GRIK4: variants seen among roughly 807,000 people sequenced by gnomAD.
The protein encoded by GRIK4 is glutamate receptor ionotropic, kainate 4.
In GRIK4, 40 loss-of-function variants were observed where a neutral mutation model predicts 104.9. The observed-to-expected ratio is 0.38, with a 90% CI of 0.30 to 0.50. GRIK4 has a LOEUF of 0.50. Ranked by LOEUF, GRIK4 falls within the 20% of genes least tolerant of loss-of-function variation. The pLI is 0.93. For synonymous variants in GRIK4, 485 were observed against 524.9 expected (o/e 0.92, Z 1.04); for missense variants, 1,047 against 1,308.1 (o/e 0.80, Z 3.08).
At chr11:120,800,744 T>A (rs555444479) in intron 3 of GRIK4, among the ~76,000 whole-genome samples, 1 of 152,292 alleles carries the variant, frequency 6.6e-6, no homozygotes, top group Admixed American at 6.5e-5. Flanking sequence ...TGTGTCCTGA[T>A]TTTGGGTTTG....
At chr11:120,599,548 A>G (rs1489970411) in intron 1 of GRIK4, among the ~76,000 whole-genome samples, 2 of 152,238 alleles carry the variant, frequency 1.3e-5, no homozygotes, top group Non-Finnish European at 2.9e-5. Flanking sequence ...TGAGTCAGTG[A>G]TGGAGTCTCT....
chr11:120,709,246 C>T (rs180932868), intron 3 of GRIK4, among the ~76,000 whole-genome samples: 118 of 151,930 alleles, frequency 7.8e-4, no homozygotes, highest in Non-Finnish European at 1.3e-3. Flanking sequence ...CTTGTCCCTA[C>T]CCTCATCTAG....
intron 19 of GRIK4, among the ~76,000 whole-genome samples, chr11:120,980,873 C>T (rs988655151): frequency 6.6e-6 from 1 of 152,196 alleles, no homozygotes. Flanking sequence ...CAGACATCCA[C>T]TTAGGGCTTT....
intron 3 of GRIK4, among the ~76,000 whole-genome samples, chr11:120,776,177 G>A (rs1047710862): frequency 1.3e-5 from 2 of 152,228 alleles, no homozygotes; most frequent in African/African-American, 4.8e-5. Context: ...TGGCTGCAAT[G>A]TCCTCTGATT....
chr11:120,962,623 C>A lies in GRIK4; in HGVS notation c.2208C>A (p.Asn736Lys). 1 of 1,614,110 alleles carries A rather than the reference C, an allele frequency of 6.2e-7. No homozygotes were observed. The highest frequency in any genetic ancestry group is 8.5e-7 in the Non-Finnish European group (1 of 1,180,022). The change falls in exon 18 of 21, where the codon AAC becomes AAA. Residue 736 changes from asparagine (N) to lysine (K), a missense_variant. By Grantham distance (94) the Asn-to-Lys change is moderately conservative. This residue lies in a region of GRIK4 where 440 missense variants were observed against 652.3 expected (regional missense o/e 0.67). Coordinates refer to ENST00000527524, the MANE Select transcript of GRIK4 (RefSeq NM_014619.5). ...AGTACTATCGGCAGCGAAACTGCAA[C>A]CTCACTCAGATTGGGGGCCTGCTGG... The part of the protein sequence containing the change: ...MNEYYRQRNC[N>K]LTQIGGLLDT...
At chr11:120,512,328 A>C in intron 1 of GRIK4, among the ~76,000 whole-genome samples, 2 of 142,692 alleles carry the variant, frequency 1.4e-5, no homozygotes, top group South Asian at 2.3e-4. Flanking sequence ...ACACCTCGTC[A>C]CCCTCCGCTT....
At chr11:120,962,878 G>A (rs1944316403) in intron 18 of GRIK4, 197 bp downstream of exon 18, 1 of 497,424 alleles carries the variant, frequency 2.0e-6, no homozygotes, top group Admixed American at 3.7e-5. Context: ...AACGACCAGT[G>A]CTCAATCCTT....
intron 3 of GRIK4, among the ~76,000 whole-genome samples, chr11:120,774,221 G>T (rs1951997854): frequency 6.6e-6 from 1 of 152,230 alleles, no homozygotes; most frequent in South Asian, 2.1e-4. Flanking sequence ...TGTTTGAGCA[G>T]ATACTGAAGA....
Position 120,939,240 on chromosome 11 carries a change from T to C in GRIK4, c.1477-1107T>C, listed in dbSNP as rs1388371058. The stretch of plus-strand genomic sequence containing the variant: ...AAAAACTTCCTGACATAGAAGAGTA[T>C]GAGGAAGTCTACATCTTTCCCAGAA... On this transcript the variant is annotated intron_variant, in intron 13 of 20. Coordinates refer to ENST00000527524, the MANE Select transcript of GRIK4 (RefSeq NM_014619.5). This position sits in a 1 kb window ranked among gnomAD's most constrained non-coding sequence, Gnocchi z 5.6. Among the ~76,000 whole-genome samples the C allele has an allele frequency of 6.6e-6, 1 of 152,196 alleles. No homozygotes were observed. The highest frequency in any genetic ancestry group is 1.5e-5 in the Non-Finnish European group (1 of 68,032).
chr11:120,727,340 T>A (rs1951048054), intron 3 of GRIK4, among the ~76,000 whole-genome samples: 1 of 152,072 alleles, frequency 6.6e-6, no homozygotes, highest in South Asian at 2.1e-4. Context: ...AAAGTCCAGA[T>A]AAAAGTTGGG....
chr11:120,619,461 T>C (rs747569380), intron 1 of GRIK4, among the ~76,000 whole-genome samples: 3 of 152,168 alleles, frequency 2.0e-5, no homozygotes, highest in Non-Finnish European at 1.5e-5. Flanking sequence ...GAAGGCATGA[T>C]TATATTTTCC....
At chr11:120,657,627 A>C (rs755271811) in intron 2 of GRIK4, among the ~76,000 whole-genome samples, 2 of 152,356 alleles carry the variant, frequency 1.3e-5, no homozygotes, top group Non-Finnish European at 1.5e-5. Flanking sequence ...CAGAGGCAGG[A>C]AAAGTGCTGC....
At chr11:120,808,910 G>A (rs1183544500) in intron 4 of GRIK4, among the ~76,000 whole-genome samples, 1 of 152,150 alleles carries the variant, frequency 6.6e-6, no homozygotes, top group Admixed American at 6.5e-5. Context: ...GCCCCGTGGG[G>A]CCAGGGTTGT....
At chr11:120,737,348 C>T (rs1231687211) in intron 3 of GRIK4, among the ~76,000 whole-genome samples, 3 of 152,190 alleles carry the variant, frequency 2.0e-5, no homozygotes, top group Admixed American at 6.5e-5. Context: ...AGACATTGAG[C>T]ACCAATAGCT....
intron 3 of GRIK4, among the ~76,000 whole-genome samples, chr11:120,704,722 A>G (rs992557731): frequency 1.3e-5 from 2 of 151,516 alleles, no homozygotes; most frequent in Non-Finnish European, 2.9e-5. Flanking sequence ...ATTGTACAAC[A>G]TAACTCTGCA....
At chr11:120,797,154 G>A (rs1331667551) in intron 3 of GRIK4, among the ~76,000 whole-genome samples, 2 of 152,258 alleles carry the variant, frequency 1.3e-5, no homozygotes, top group South Asian at 2.1e-4. Context: ...AGGCCCCATG[G>A]ATGGAAAGAG....
In GRIK4 at chr11:120,549,121, C is replaced by T. The variant is rs1277238198; in HGVS notation, c.-159+37234C>T. 6.6e-6 allele frequency among the ~76,000 whole-genome samples: 1 copy of T among 151,584 alleles called. No homozygotes were observed. The highest frequency in any genetic ancestry group is 2.4e-5 in the African/African-American group (1 of 41,266). On this transcript the variant is annotated intron_variant, in intron 1 of 20. Transcript: ENST00000527524. The surrounding 1 kb of genome is among the most constrained non-coding windows in gnomAD (Gnocchi z 4.7). ...TGGCTGTTTTTTTTTTTCACTGAGA[C>T]AGAGTCTTGCCTTGTTGCCCAGGCT...
intron 1 of GRIK4, among the ~76,000 whole-genome samples, chr11:120,612,349 T>C (rs1949048053): frequency 6.6e-6 from 1 of 152,230 alleles, no homozygotes; most frequent in African/African-American, 2.4e-5. Flanking sequence ...ATTGTAATGC[T>C]AGTTTTTCTC....
intron 13 of GRIK4, among the ~76,000 whole-genome samples, chr11:120,908,330 T>C (rs1318278510): frequency 1.3e-5 from 2 of 152,244 alleles, no homozygotes; most frequent in African/African-American, 4.8e-5. Context: ...ACTAGCTGTG[T>C]GTGCTTAAAC....
Sources: gnomAD v4.1 joint callset for allele counts (sites outside exome capture counted in the v4.1 genomes callset) on GRCh38, gnomAD v4.1.1 for gene constraint, gnomAD v4.1.1 regional missense constraint, Gnocchi (gnomAD v3.1) non-coding constraint, MANE v1.5 for transcripts, NCBI Gene and HGNC (gene_info 2026-07-23, HGNC 2026-07-21) for gene names.